PTPRG: variants seen among roughly 807,000 people sequenced by gnomAD.
PTPRG encodes the protein protein tyrosine phosphatase receptor type G.
Under a neutral mutation model 165.3 loss-of-function variants are expected in PTPRG, and 102 were observed. The ratio of observed to expected loss-of-function variants is 0.62; its 90% CI spans 0.53 to 0.73. The LOEUF is 0.73. PTPRG is among the 30% of genes least tolerant of loss of function. PTPRG has a pLI of 0.00. For synonymous variants in PTPRG, 675 were observed against 669.5 expected (o/e 1.01, Z -0.13); for missense variants, 1,866 against 1,861.4 (o/e 1.00, Z -0.05).
At chr3:61,835,625 C>T (rs1039469736) in intron 2 of PTPRG, among the ~76,000 whole-genome samples, 2 of 152,068 alleles carry the variant, frequency 1.3e-5, no homozygotes, top group Non-Finnish European at 2.9e-5. Flanking sequence ...AACCACCACG[C>T]CCAGCCCGTT....
intron 4 of PTPRG, among the ~76,000 whole-genome samples, chr3:62,033,784 T>A (rs1575916580): frequency 6.6e-6 from 1 of 152,236 alleles, no homozygotes; most frequent in East Asian, 1.9e-4. Flanking sequence ...TTCTTCTTTT[T>A]TGAGACGGAG....
intron 1 of PTPRG, among the ~76,000 whole-genome samples, chr3:61,725,887 C>G (rs142201114): frequency 6.6e-6 from 1 of 152,218 alleles, no homozygotes; most frequent in African/African-American, 2.4e-5. Flanking sequence ...TAAGTCAGAT[C>G]GAGAGAACAA....
chr3:61,760,528 G>A (rs74809695), intron 2 of PTPRG, among the ~76,000 whole-genome samples: 2,198 of 152,148 alleles, frequency 0.014, 30 homozygotes, highest in Middle Eastern at 0.031. Flanking sequence ...GACTTGGAGG[G>A]AATTTCAGAG....
chr3:61,981,252 A>C (rs2040637664), intron 2 of PTPRG, among the ~76,000 whole-genome samples: 1 of 152,220 alleles, frequency 6.6e-6, no homozygotes, highest in Non-Finnish European at 1.5e-5. Flanking sequence ...TCCTCCACCT[A>C]GTCGCTTCCA....
At chr3:61,905,822 TTGTC>T (rs2038633931) in intron 2 of PTPRG, among the ~76,000 whole-genome samples, 1 of 152,226 alleles carries the variant, frequency 6.6e-6, no homozygotes, top group African/African-American at 2.4e-5. Context: ...TCTTCACCCT[TTGTC>T]TGTGTCCATT....
At chr3:62,231,930 T>G (rs1055965367) in intron 14 of PTPRG, among the ~76,000 whole-genome samples, 1 of 152,164 alleles carries the variant, frequency 6.6e-6, no homozygotes, top group African/African-American at 2.4e-5. Context: ...AACTCATGAT[T>G]GTACAGTTTT....
At chr3:61,881,070 GT>G (rs1026660857) in intron 2 of PTPRG, among the ~76,000 whole-genome samples, 29 of 145,852 alleles carry the variant, frequency 2.0e-4, no homozygotes, top group Middle Eastern at 3.5e-3. Context: ...TTTTACAAGG[GT>G]TTTTTTTTTC....
chr3:62,164,846 A>G (rs1200514704), intron 7 of PTPRG, among the ~76,000 whole-genome samples: 1 of 152,218 alleles, frequency 6.6e-6, no homozygotes, highest in Non-Finnish European at 1.5e-5. Context: ...ATTCTAGAGA[A>G]TAAACAAACT....
intron 1 of PTPRG, among the ~76,000 whole-genome samples, chr3:61,645,344 C>T (rs1702171384): frequency 6.6e-6 from 1 of 152,244 alleles, no homozygotes; most frequent in African/African-American, 2.4e-5. Context: ...GAACTCCTTT[C>T]TAGGTTTTGG....
intron 2 of PTPRG, among the ~76,000 whole-genome samples, chr3:61,910,687 T>A (rs956304379): frequency 6.6e-6 from 1 of 152,262 alleles, no homozygotes; most frequent in South Asian, 2.1e-4. Context: ...CCTCCTAGAA[T>A]TTCTTTTTGT....
At chr3:61,862,034 G>C (rs2037285102) in intron 2 of PTPRG, among the ~76,000 whole-genome samples, 1 of 152,160 alleles carries the variant, frequency 6.6e-6, no homozygotes, top group African/African-American at 2.4e-5. Flanking sequence ...ATTGGTACCG[G>C]TCCCTGGCCT....
At chr3:62,285,794 G>C (rs545126612) in intron 28 of PTPRG, among the ~76,000 whole-genome samples, 1 of 152,082 alleles carries the variant, frequency 6.6e-6, no homozygotes, top group African/African-American at 2.4e-5. Flanking sequence ...AGTCTTATAA[G>C]ACAGCTGTAG....
intron 1 of PTPRG, among the ~76,000 whole-genome samples, chr3:61,628,161 G>T (rs891107858): frequency 3.3e-5 from 5 of 152,148 alleles, no homozygotes; most frequent in African/African-American, 1.2e-4. Context: ...ATTTAGCTGT[G>T]TGCTAGGCAC....
chr3:61,929,861 T>G (rs1182644918), intron 2 of PTPRG, among the ~76,000 whole-genome samples: 1 of 152,212 alleles, frequency 6.6e-6, no homozygotes, highest in Non-Finnish European at 1.5e-5. Flanking sequence ...ATTTTCTTCC[T>G]TTATTTCATT....
chr3:61,654,551 G>T (rs1185213863), intron 1 of PTPRG, among the ~76,000 whole-genome samples: 1 of 151,452 alleles, frequency 6.6e-6, no homozygotes, highest in African/African-American at 2.4e-5. Context: ...TGCTCAGCTA[G>T]TTTTTTGTAT....
chr3:62,048,363 T>TG (rs1465340178), intron 4 of PTPRG, among the ~76,000 whole-genome samples: 1 of 152,156 alleles, frequency 6.6e-6, no homozygotes, highest in Non-Finnish European at 1.5e-5. Flanking sequence ...GTTGAGTCTT[T>TG]GGGGTGGAAG....
At chr3:61,867,498 CT>C (rs2037444549) in intron 2 of PTPRG, among the ~76,000 whole-genome samples, 1 of 151,838 alleles carries the variant, frequency 6.6e-6, no homozygotes, top group Admixed American at 6.6e-5. Flanking sequence ...TGATTCATTG[CT>C]TTTTTTGAGG....
At chr3:62,047,169 G>T (rs1381962256) in intron 4 of PTPRG, among the ~76,000 whole-genome samples, 1 of 152,038 alleles carries the variant, frequency 6.6e-6, no homozygotes, top group Non-Finnish European at 1.5e-5. Context: ...CAATATTCTT[G>T]CCTTATGCTG....
At chr3:61,674,263 A>T (rs2107086934) in intron 1 of PTPRG, among the ~76,000 whole-genome samples, 1 of 152,084 alleles carries the variant, frequency 6.6e-6, no homozygotes, top group East Asian at 1.9e-4. Context: ...TGTTGCCTTG[A>T]GTAGAAAGAT....
Sources: allele counts gnomAD v4.1 joint callset (sites outside exome capture counted in the v4.1 genomes callset), GRCh38; gene constraint gnomAD v4.1.1; transcripts MANE v1.5; gene names NCBI Gene and HGNC (gene_info 2026-07-23, HGNC 2026-07-21).